Variants in RFX7 observed in about 807,000 individuals in gnomAD.
RFX7 encodes DNA-binding protein RFX7.
Under a neutral mutation model 111.8 loss-of-function variants are expected in RFX7, and 26 were observed. That is an observed-to-expected ratio of 0.23 (90% confidence interval 0.17 to 0.32). The LOEUF is 0.32. Ranked by LOEUF, RFX7 falls within the 10% of genes least tolerant of loss-of-function variation. The probability of loss-of-function intolerance (pLI) is 1.00; values close to 1 mark genes in which losing one functional copy is unlikely to be tolerated. For synonymous variants in RFX7, 624 were observed against 624.4 expected (o/e 1.00, Z 0.01); for missense variants, 1,573 against 1,772.9 (o/e 0.89, Z 2.02).
chr15:56,208,975 A>T lies in RFX7; in HGVS notation c.162-29672T>A, dbSNP rs546816202. Among the ~76,000 whole-genome samples the T allele has an allele frequency of 3.3e-5, 5 of 152,158 alleles. No homozygotes were observed. The East Asian group carries it at 7.7e-4, about 23-fold the overall frequency. Reference sequence around the variant, plus strand: ...ATTCCAGAAGGATAGGAAAAAGAGTAATACATGAAATTTCTGAAACAATAA... The same window carrying T: ...ATTCCAGAAGGATAGGAAAAAGAGTTATACATGAAATTTCTGAAACAATAA... On this transcript the variant is annotated intron_variant, in intron 2 of 9. Transcript: ENST00000559447.
At chr15:56,216,997 T>C (rs2043368966) in intron 2 of RFX7, among the ~76,000 whole-genome samples, 1 of 152,146 alleles carries the variant, frequency 6.6e-6, no homozygotes, top group African/African-American at 2.4e-5. Context: ...GCCAAGTATT[T>C]GCAGGTATTT....
chr15:56,105,179 T>A (rs954808363), intron 5 of RFX7, among the ~76,000 whole-genome samples: 5 of 152,212 alleles, frequency 3.3e-5, no homozygotes, highest in Admixed American at 1.3e-4. Flanking sequence ...ATCTTTCAAG[T>A]CTCTGCTTAA....
At chr15:56,243,374 AGAGGAGGAGGGG>A (rs2043737392) in intron 1 of RFX7, 59 bp downstream of exon 1, 3 of 428,248 alleles carry the variant, frequency 7.0e-6, no homozygotes, top group Non-Finnish European at 8.8e-6. Flanking sequence ...CGAAGGGGGG[AGAGGAGGAGGGG>A]GAGGGGGAGG....
chr15:56,102,558 A>G (rs1445111028), intron 6 of RFX7, among the ~76,000 whole-genome samples: 1 of 152,226 alleles, frequency 6.6e-6, no homozygotes, highest in Admixed American at 6.5e-5. Flanking sequence ...CAAACAGGTC[A>G]GAAGGAAAGG....
At chr15:56,140,710 C>G (rs2042380178) in intron 5 of RFX7, among the ~76,000 whole-genome samples, 1 of 152,188 alleles carries the variant, frequency 6.6e-6, no homozygotes, top group South Asian at 2.1e-4. Context: ...CACTACTCCT[C>G]CCAAACAATG....
intron 2 of RFX7, among the ~76,000 whole-genome samples, chr15:56,185,536 A>G (rs1420816039): frequency 2.0e-5 from 3 of 152,158 alleles, no homozygotes; most frequent in African/African-American, 7.2e-5. Context: ...GGAAGTGTCA[A>G]TTTTTGCCTT....
Position 56,093,645 on chromosome 15 carries a change from G to T in RFX7, c.4083C>A (p.Thr1361=). The T allele has an allele frequency of 6.2e-7, 1 of 1,613,780 alleles. No homozygotes were observed. The highest frequency in any genetic ancestry group is 8.5e-7 in the Non-Finnish European group (1 of 1,179,824). ...KDLLSGDSLQ[T]NQQLVGQGAS... is the part of the protein sequence containing the mutation. ...CTCCCTGACCTACCAGCTGCTGGTT[G>T]GTTTGCAAGCTGTCTCCACTCAACA... Residue 1361 remains threonine (T), a synonymous_variant, in exon 10 of 10, where the codon ACC becomes ACA. Transcript: ENST00000559447.
At chr15:56,130,425 TA>T (rs76351234) in intron 5 of RFX7, among the ~76,000 whole-genome samples, 19,754 of 151,968 alleles carry the variant, frequency 0.13, 1,666 homozygotes, top group East Asian at 0.44. Flanking sequence ...CTGAAAAATT[TA>T]AAAAGAAAAC....
At chr15:56,149,464 C>G (rs1427656807) in intron 3 of RFX7, among the ~76,000 whole-genome samples, 1 of 152,200 alleles carries the variant, frequency 6.6e-6, no homozygotes, top group African/African-American at 2.4e-5. Flanking sequence ...GAGATTGATG[C>G]AGAAGGCGGG....
intron 3 of RFX7, among the ~76,000 whole-genome samples, chr15:56,166,523 GTAATTTCTC>G (rs1485920253): frequency 2.0e-5 from 3 of 152,108 alleles, no homozygotes; most frequent in Non-Finnish European, 4.4e-5. Flanking sequence ...TATGTAAAAA[GTAATTTCTC>G]TTTCTATGCT....
At chr15:56,123,248 T>C (rs139276975) in intron 5 of RFX7, among the ~76,000 whole-genome samples, 3 of 152,094 alleles carry the variant, frequency 2.0e-5, no homozygotes, top group African/African-American at 7.2e-5. Flanking sequence ...AATGGTATTA[T>C]TCAGGGCCCA....
intron 2 of RFX7, among the ~76,000 whole-genome samples, chr15:56,190,843 A>G (rs1300664105): frequency 2.7e-4 from 41 of 152,250 alleles, no homozygotes; most frequent in Admixed American, 2.3e-3. Flanking sequence ...CTTACTTGGA[A>G]GAAATAACAC....
chr15:56,158,385 T>A (rs1353492314), intron 3 of RFX7, among the ~76,000 whole-genome samples: 1 of 152,236 alleles, frequency 6.6e-6, no homozygotes, highest in Non-Finnish European at 1.5e-5. Context: ...ATTTTAAAAA[T>A]ATGTTATTGC....
chr15:56,093,330 G>T lies in RFX7; in HGVS notation c.*15C>A. ...TGTCTTTAGATACAGTGTGCTACATGTTATAAAACACAATTTAACCCAACA... is the reference window on the plus strand; with the variant it reads ...TGTCTTTAGATACAGTGTGCTACATTTTATAAAACACAATTTAACCCAACA... On this transcript the variant is annotated 3_prime_UTR_variant, in exon 10 of 10. Transcript: ENST00000559447. 6.3e-7 allele frequency: 1 copy of T among 1,586,732 alleles called. No individual in the cohort carries two copies.
intron 2 of RFX7, among the ~76,000 whole-genome samples, chr15:56,182,336 A>G (rs183581911): frequency 6.6e-6 from 1 of 152,106 alleles, no homozygotes; most frequent in Non-Finnish European, 1.5e-5. Context: ...CTTCTGGTAG[A>G]TGAGGGCCCT....
In RFX7 at chr15:56,108,738, G is replaced by C. The variant is rs578215992; in HGVS notation, c.402-5068C>G. Among the ~76,000 whole-genome samples, 4 of 152,258 alleles carry C rather than the reference G, an allele frequency of 2.6e-5. No individual in the cohort carries two copies. The East Asian group carries it at 7.7e-4, about 29-fold the overall frequency. ...AAAGAAAGAAAGGATATTTAAATAG[G>C]AAGAGACAAAGTCAAACTGTCTCTG... On this transcript the variant is annotated intron_variant, in intron 5 of 9. Transcript: ENST00000559447.
At chr15:56,201,049 C>A (rs1279757852) in intron 2 of RFX7, among the ~76,000 whole-genome samples, 9 of 151,878 alleles carry the variant, frequency 5.9e-5, no homozygotes, top group Admixed American at 5.2e-4. Context: ...AATGAGAATT[C>A]CATTAAGGTG....
At chr15:56,216,792 T>C (rs1206337742) in intron 2 of RFX7, among the ~76,000 whole-genome samples, 1 of 152,206 alleles carries the variant, frequency 6.6e-6, no homozygotes, top group Admixed American at 6.5e-5. Context: ...TCAAATTTTC[T>C]ACATCTTCTA....
chr15:56,156,430 G>T (rs2042653739), intron 3 of RFX7, among the ~76,000 whole-genome samples: 1 of 152,038 alleles, frequency 6.6e-6, no homozygotes, highest in South Asian at 2.1e-4. Context: ...ACAGCATATA[G>T]AAATAGTATT....
Sources: gnomAD v4.1 joint callset for allele counts (sites outside exome capture counted in the v4.1 genomes callset) on GRCh38, gnomAD v4.1.1 for gene constraint, MANE v1.5 for transcripts, NCBI Gene and HGNC (gene_info 2026-07-23, HGNC 2026-07-21) for gene names.